The following PATJ variants were observed in gnomAD, a reference collection of about 807,000 sequenced individuals.
The protein encoded by PATJ is inaD-like protein.
A neutral mutation model predicts 224.9 loss-of-function variants in PATJ; 190 were observed. The observed-to-expected ratio is 0.84, with a 90% CI of 0.75 to 0.95. The LOEUF is 0.95. PATJ is among the 40% of genes least tolerant of loss of function. The pLI, the probability that PATJ is intolerant of heterozygous loss-of-function variation, is 0.00. For synonymous variants in PATJ, 769 were observed against 820.3 expected (o/e 0.94, Z 1.07); for missense variants, 2,121 against 2,270.3 (o/e 0.93, Z 1.34).
At chr1:61,768,446 G>A (rs1646413448) in intron 4 of PATJ, among the ~76,000 whole-genome samples, 1 of 143,580 alleles carries the variant, frequency 7.0e-6, no homozygotes, top group South Asian at 2.2e-4. Flanking sequence ...CTCCAGCCTG[G>A]GCGACAGAGT....
intron 6 of PATJ, 45 bp from the exon 7 acceptor site, chr1:61,775,161 T>C (rs750398732): frequency 3.9e-5 from 60 of 1,553,158 alleles, no homozygotes; most frequent in Non-Finnish European, 4.9e-5. Flanking sequence ...TAAGAACCTG[T>C]GTGTATTACT....
intron 42 of PATJ, among the ~76,000 whole-genome samples, chr1:62,151,552 C>T (rs1268851867): frequency 6.6e-5 from 10 of 152,168 alleles, no homozygotes; most frequent in African/African-American, 2.2e-4. Context: ...GATAGCGCCA[C>T]TGCACTGCAG....
chr1:61,926,175 A>C (rs574449217), intron 26 of PATJ, among the ~76,000 whole-genome samples: 5 of 152,152 alleles, frequency 3.3e-5, no homozygotes, highest in Non-Finnish European at 7.3e-5. Flanking sequence ...ACCCTGGTGA[A>C]GGTCATAATC....
At chr1:62,006,562 A>G (rs1481436769) in intron 28 of PATJ, among the ~76,000 whole-genome samples, 2 of 152,258 alleles carry the variant, frequency 1.3e-5, no homozygotes, top group African/African-American at 4.8e-5. Context: ...ATAGTATAAC[A>G]AAAGGATTTG....
intron 16 of PATJ, among the ~76,000 whole-genome samples, chr1:61,827,926 T>A (rs886125864): frequency 1.3e-5 from 2 of 152,164 alleles, no homozygotes; most frequent in Admixed American, 1.3e-4. Flanking sequence ...GCATATCTAA[T>A]GTACTCCCCT....
rs1223878745 is a variant in PATJ at position 62,119,378 on chromosome 1, G to A, written c.4891-1803G>A. On this transcript the variant is annotated intron_variant, in intron 37 of 43. Coordinates refer to ENST00000642238, the MANE Select transcript of PATJ (RefSeq NM_001350145.3). ...CATTTAAAAAATCAGGATCTTGTAGGAACACAGATTTCCTTCTGAGCAGTT... is the reference window on the plus strand; with the variant it reads ...CATTTAAAAAATCAGGATCTTGTAGAAACACAGATTTCCTTCTGAGCAGTT... Among the ~76,000 whole-genome samples the A allele has an allele frequency of 4.6e-5, 7 of 152,250 alleles. No individual in the cohort carries two copies. In the South Asian group the frequency reaches 1.5e-3, roughly 32 times the overall value.
chr1:62,097,314 A>T (rs1042424547), intron 33 of PATJ, among the ~76,000 whole-genome samples: 55 of 152,040 alleles, frequency 3.6e-4, no homozygotes, highest in Non-Finnish European at 2.2e-4. Context: ...CTCAAATTTT[A>T]AAAAAAGGAA....
At chr1:62,007,867 C>G (rs897154955) in intron 28 of PATJ, among the ~76,000 whole-genome samples, 3 of 152,148 alleles carry the variant, frequency 2.0e-5, no homozygotes, top group Non-Finnish European at 4.4e-5. Context: ...CCCAAAGGCC[C>G]CACGTCCAAA....
intron 21 of PATJ, among the ~76,000 whole-genome samples, chr1:61,878,617 G>C (rs1324530176): frequency 6.6e-6 from 1 of 151,788 alleles, no homozygotes. Context: ...GCCAAGGCAG[G>C]AGGATCACTT....
intron 31 of PATJ, among the ~76,000 whole-genome samples, chr1:62,063,062 C>T (rs932870125): frequency 6.6e-6 from 1 of 152,146 alleles, no homozygotes; most frequent in African/African-American, 2.4e-5. Flanking sequence ...TTTGAGCACT[C>T]AGTTACAAAT....
chr1:62,108,174 T>C (rs1158835296), intron 33 of PATJ, among the ~76,000 whole-genome samples: 1 of 152,100 alleles, frequency 6.6e-6, no homozygotes, highest in African/African-American at 2.4e-5. Flanking sequence ...ACAGCAGCAA[T>C]GTACAGGGTT....
intron 18 of PATJ, among the ~76,000 whole-genome samples, chr1:61,859,447 T>G (rs1168152410): frequency 1.1e-4 from 17 of 152,068 alleles, no homozygotes. Context: ...GTAAGCTTCC[T>G]TTAACATCTG....
chr1:62,014,064 G>A (rs1232855049), intron 28 of PATJ, among the ~76,000 whole-genome samples: 2 of 151,138 alleles, frequency 1.3e-5, no homozygotes, highest in African/African-American at 4.9e-5. Flanking sequence ...ATGGGCAACC[G>A]CACCCAGCCC....
At chr1:62,106,063 AAT>A (rs1553268230) in intron 33 of PATJ, among the ~76,000 whole-genome samples, 3 of 39,662 alleles carry the variant, frequency 7.6e-5, no homozygotes, top group Admixed American at 4.1e-4. Flanking sequence ...AAAAAAAAAA[AAT>A]ATATATATAT....
chr1:61,798,369 T>A (rs914953043), intron 11 of PATJ, among the ~76,000 whole-genome samples: 6 of 152,098 alleles, frequency 3.9e-5, no homozygotes, highest in African/African-American at 1.4e-4. Context: ...AATTTATTTT[T>A]ATTTTTTTTG....
intron 20 of PATJ, among the ~76,000 whole-genome samples, chr1:61,868,099 A>G (rs1665700064): frequency 6.6e-6 from 1 of 152,220 alleles, no homozygotes. Flanking sequence ...GCTGAAGAGT[A>G]AAAACACTAA....
intron 10 of PATJ, among the ~76,000 whole-genome samples, chr1:61,796,970 G>C (rs1006566871): frequency 6.6e-6 from 1 of 151,904 alleles, no homozygotes; most frequent in Non-Finnish European, 1.5e-5. Context: ...AGGTTCAAGC[G>C]ATTCTCCTGC....
At chr1:61,867,572 AAT>A (rs1665620565) in intron 20 of PATJ, among the ~76,000 whole-genome samples, 2 of 51,248 alleles carry the variant, frequency 3.9e-5, no homozygotes, top group Non-Finnish European at 4.3e-5. Context: ...AAATCTGTAA[AAT>A]TTTTTTTTTT....
At chr1:61,817,534 T>G (rs1384937257) in intron 14 of PATJ, among the ~76,000 whole-genome samples, 2 of 152,136 alleles carry the variant, frequency 1.3e-5, no homozygotes, top group Admixed American at 1.3e-4. Flanking sequence ...CATGGTGGTG[T>G]GCACCTGTAA....
Sources: allele counts gnomAD v4.1 joint callset (sites outside exome capture counted in the v4.1 genomes callset), GRCh38; gene constraint gnomAD v4.1.1; transcripts MANE v1.5; gene names NCBI Gene and HGNC (gene_info 2026-07-23, HGNC 2026-07-21).